The following COG6 variants were observed in gnomAD, a reference collection of about 807,000 sequenced individuals.
COG6 encodes the protein component of oligomeric golgi complex 6.
In COG6, 74 loss-of-function variants were observed where a neutral mutation model predicts 88.8. The ratio of observed to expected loss-of-function variants is 0.83; its 90% CI spans 0.69 to 1.01. The LOEUF is 1.01. Ranked by LOEUF, COG6 falls within the 50% of genes least tolerant of loss-of-function variation. The pLI, the probability that COG6 is intolerant of heterozygous loss-of-function variation, is 0.00. For missense variants in COG6, 800 were observed against 797.9 expected (o/e 1.00, Z -0.03); for synonymous variants, 286 against 278.7 (o/e 1.03, Z -0.26).
At chr13:39,681,438 C>A (rs1378397007) in intron 7 of COG6, among the ~76,000 whole-genome samples, 1 of 152,064 alleles carries the variant, frequency 6.6e-6, no homozygotes, top group East Asian at 1.9e-4. Context: ...TTTTTGTGCT[C>A]CCGCAACATC....
intron 18 of COG6, among the ~76,000 whole-genome samples, chr13:39,772,426 C>G (rs1239416213): frequency 1.3e-5 from 2 of 152,212 alleles, no homozygotes; most frequent in East Asian, 3.9e-4. Flanking sequence ...AGACATGATT[C>G]CTGCCCTCAG....
downstream of COG6, among the ~76,000 whole-genome samples, chr13:39,755,585 G>A (rs3012148): frequency 1 from 152,155 of 152,344 alleles, 75,985 homozygotes; most frequent in Middle Eastern, 1. Flanking sequence ...AAGCTCTTAC[G>A]TATTTCTGGG....
In COG6 at chr13:39,720,783, A is replaced by G. The variant is rs1029086813; in HGVS notation, c.1584+956A>G. On this transcript the variant is annotated intron_variant, in intron 15 of 18. Transcript: ENST00000455146. ...GTATTGCTACTTATAGATTTTTTTT[A>G]GTTTTTTGTCTAATGTATTAAATTA... 2.6e-5 allele frequency among the ~76,000 whole-genome samples: 4 copies of G among 151,854 alleles called. No individual in the cohort carries two copies. In the East Asian group the frequency reaches 7.7e-4, roughly 29 times the overall value.
chr13:39,656,631 G>A (rs1273967455), intron 1 of COG6, among the ~76,000 whole-genome samples: 4 of 151,802 alleles, frequency 2.6e-5, no homozygotes, highest in Non-Finnish European at 5.9e-5. Context: ...AAGTTAGAGA[G>A]TTTTATAGGT....
At chr13:39,701,768 A>G (rs915954015) in intron 13 of COG6, among the ~76,000 whole-genome samples, 16 of 151,950 alleles carry the variant, frequency 1.1e-4, no homozygotes, top group Non-Finnish European at 1.9e-4. Flanking sequence ...GTTCATGGGT[A>G]AGCATATTAC....
chr13:39,754,163 C>A (rs1316721681), downstream of COG6, among the ~76,000 whole-genome samples: 1 of 152,042 alleles, frequency 6.6e-6, no homozygotes, highest in Non-Finnish European at 1.5e-5. Context: ...GGCTCTTTTG[C>A]CTCTATATGA....
chr13:39,672,507 A>G (rs146809583), intron 4 of COG6, among the ~76,000 whole-genome samples: 103 of 152,114 alleles, frequency 6.8e-4, no homozygotes, highest in Non-Finnish European at 1.0e-3. Flanking sequence ...ATAAGATCAT[A>G]CAGTATGTGG....
At chr13:39,779,509 C>T (rs1406683890) in intron 18 of COG6, among the ~76,000 whole-genome samples, 1 of 152,222 alleles carries the variant, frequency 6.6e-6, no homozygotes, top group Admixed American at 6.5e-5. Flanking sequence ...TTTCTTTTCT[C>T]ATCAGAGGAA....
At chr13:39,678,554 A>G (rs866936706) in intron 5 of COG6, among the ~76,000 whole-genome samples, 2 of 152,234 alleles carry the variant, frequency 1.3e-5, no homozygotes, top group Admixed American at 6.5e-5. Flanking sequence ...GTTAAATAAC[A>G]AGAAAAAGTT....
chr13:39,765,357 T>C (rs1881133860), intron 18 of COG6, among the ~76,000 whole-genome samples: 1 of 152,246 alleles, frequency 6.6e-6, no homozygotes, highest in African/African-American at 2.4e-5. Flanking sequence ...CCTATTCATA[T>C]TGTTCACTTA....
rs780865006 is a variant in COG6 at position 39,719,286 on chromosome 13, A to C, written c.1335A>C (p.Thr445=). Residue 445 remains threonine (T), a synonymous_variant, in exon 14 of 19, where the codon ACA becomes ACC. Transcript: ENST00000455146. The part of the protein sequence containing the change: ...DLGPSSALNQ[T]LMLLREVLAS... ...GACCAAGTTCTGCACTAAATCAGAC[A>C]CTCATGTTGCTGCGTGAAGTTTTAG... 1 of 1,612,794 alleles carries C rather than the reference A, an allele frequency of 6.2e-7. No homozygotes were observed. The highest frequency in any genetic ancestry group is 1.1e-5 in the South Asian group (1 of 91,060).
chr13:39,677,689 ATATTTT>A (rs1876056321), intron 5 of COG6, 110 bp downstream of exon 5: 1 of 612,064 alleles, frequency 1.6e-6, no homozygotes, highest in African/African-American at 1.9e-5. Context: ...TCATCTGAGA[ATATTTT>A]TATGTTTGGA....
chr13:39,729,311 G>A (rs1879309745), intron 18 of COG6, among the ~76,000 whole-genome samples: 1 of 152,036 alleles, frequency 6.6e-6, no homozygotes, highest in African/African-American at 2.4e-5. Context: ...CCAACTTCTT[G>A]TCCACGGAAA....
intron 13 of COG6, among the ~76,000 whole-genome samples, chr13:39,701,020 A>C (rs563587257): frequency 1.3e-5 from 2 of 152,038 alleles, no homozygotes; most frequent in East Asian, 1.9e-4. Flanking sequence ...ATCACTTGTA[A>C]AGTGATGTGT....
chr13:39,672,373 G>A (rs1262174818), intron 4 of COG6, among the ~76,000 whole-genome samples: 1 of 151,916 alleles, frequency 6.6e-6, no homozygotes, highest in East Asian at 1.9e-4. Flanking sequence ...ATTATGATCT[G>A]AATTACAACA....
chr13:39,766,911 A>G (rs1027614277), intron 18 of COG6, among the ~76,000 whole-genome samples: 1 of 152,230 alleles, frequency 6.6e-6, no homozygotes, highest in African/African-American at 2.4e-5. Context: ...TGTGCATATA[A>G]GTGAAAATCT....
chr13:39,766,801 T>G (rs772434136), intron 18 of COG6, among the ~76,000 whole-genome samples: 4 of 152,212 alleles, frequency 2.6e-5, no homozygotes, highest in Non-Finnish European at 5.9e-5. Context: ...TTTGCCAGGC[T>G]GAATTGCTTG....
chr13:39,740,679 A>C (rs759484908), intron 18 of COG6, among the ~76,000 whole-genome samples: 1 of 152,206 alleles, frequency 6.6e-6, no homozygotes, highest in Non-Finnish European at 1.5e-5. Context: ...TGAAATATGT[A>C]GCTTGGCCTC....
intron 18 of COG6, among the ~76,000 whole-genome samples, chr13:39,779,069 C>T (rs1054379237): frequency 5.9e-5 from 9 of 152,148 alleles, no homozygotes; most frequent in Non-Finnish European, 1.0e-4. Flanking sequence ...AAAAAATTTG[C>T]ATGCTACTGT....
Sources: allele counts gnomAD v4.1 joint callset (sites outside exome capture counted in the v4.1 genomes callset), GRCh38; gene constraint gnomAD v4.1.1; transcripts MANE v1.5; gene names NCBI Gene and HGNC (gene_info 2026-07-23, HGNC 2026-07-21).